The following CATSPERG variants were observed in gnomAD, a reference collection of about 807,000 sequenced individuals.
CATSPERG encodes the protein cation channel sperm-associated auxiliary subunit gamma.
In CATSPERG, 115 loss-of-function variants were observed where a neutral mutation model predicts 145.0. The observed-to-expected ratio is 0.79, with a 90% CI of 0.68 to 0.93. The LOEUF is 0.93. Ranked by LOEUF, CATSPERG falls within the 40% of genes least tolerant of loss-of-function variation. The pLI, the probability that CATSPERG is intolerant of heterozygous loss-of-function variation, is 0.00. For synonymous variants in CATSPERG, 588 were observed against 589.0 expected (o/e 1.00, Z 0.02); for missense variants, 1,296 against 1,490.1 (o/e 0.87, Z 2.14).
At position 38,362,727 on chromosome 19, in the gene CATSPERG, G is replaced by C. The variant is rs1335408990; in HGVS notation, c.2370G>C (p.Gln790His). The C allele has an allele frequency of 6.2e-7, 1 of 1,614,048 alleles. No homozygotes were observed. The highest frequency in any genetic ancestry group is 2.2e-5 in the East Asian group (1 of 44,886). The change falls in exon 20 of 29, where the codon CAG becomes CAC. Residue 790 changes from glutamine to histidine, a missense_variant. Gln to His is a conservative substitution (Grantham distance 24). Transcript: ENST00000409235. The part of the protein sequence containing the change: ...RTQSELGTAF[Q>H]LHSQVDVGVV... ...TGCCCGGAGCAGGCACCGCCTTCCA[G>C]CTGCATAGCCAGGTGGACGTGGGCG... is the stretch of plus-strand genomic sequence containing the variant.
Position 38,365,130 on chromosome 19 carries a change from G to C in CATSPERG, c.2613+13G>C. 1 of 1,612,734 alleles carries C rather than the reference G, an allele frequency of 6.2e-7. No homozygotes were observed. The highest frequency in any genetic ancestry group is 8.5e-7 in the Non-Finnish European group (1 of 1,179,610). ...GCCCCATATGCAAGTATTGGAGCTT[G>C]GGATACTGGGCCCTGGGAGGGGAAG... On this transcript the variant is annotated intron_variant, in intron 22 of 28. Coordinates refer to ENST00000409235, the MANE Select transcript of CATSPERG (RefSeq NM_021185.5).
rs1419033029 is a variant in CATSPERG, at chr19:38,344,888, T to C, written c.669+520T>C. The stretch of plus-strand genomic sequence containing the variant: ...ACACACACACACACACACACATATA[T>C]ATATATATATATATTTTTTTTTTTT... On this transcript the variant is annotated intron_variant, in intron 6 of 28. Transcript: ENST00000409235. 2.6e-3 allele frequency among the ~76,000 whole-genome samples: 200 copies of C among 76,286 alleles called. 2 individuals are homozygous for C. The highest frequency in any genetic ancestry group is 6.8e-3 in the Middle Eastern group (1 of 148). 50.0% of individuals were successfully genotyped at this position (76,286 alleles called of 152,430 possible).
chr19:38,354,771 T>C lies in CATSPERG; in HGVS notation c.1059T>C (p.His353=), dbSNP rs767420162. ...AGAAGCTGTGCCCTGTGTATTTCCA[T>C]AGCAATGGCTCTGAGTACATAATGG... is the stretch of plus-strand genomic sequence containing the variant. ...CIKKLCPVYF[H]SNGSEYIMAL... The change falls in exon 9 of 29, where the codon CAT becomes CAC. Residue 353 remains histidine (H), a synonymous_variant. Coordinates refer to ENST00000409235, the MANE Select transcript of CATSPERG (RefSeq NM_021185.5). 1.9e-6 allele frequency: 3 copies of C among 1,614,170 alleles called. No homozygotes were observed. The African/African-American group carries it at 4.0e-5, about 22-fold the overall frequency.
intron 17 of CATSPERG, 86 bp downstream of exon 17, chr19:38,361,947 A>C: frequency 1.4e-6 from 1 of 693,406 alleles, no homozygotes; most frequent in Non-Finnish European, 2.1e-6. Flanking sequence ...TGTGGAGCGG[A>C]GCGCAGCGGG....
At chr19:38,340,571 C>T (rs895437280) in intron 3 of CATSPERG, among the ~76,000 whole-genome samples, 14 of 151,572 alleles carry the variant, frequency 9.2e-5, no homozygotes, top group Admixed American at 7.2e-4. Context: ...CCACCTGCCT[C>T]GGCCTCCCAA....
At chr19:38,359,715 C>A in intron 14 of CATSPERG, 134 bp downstream of exon 14, 1 of 1,409,820 alleles carries the variant, frequency 7.1e-7, no homozygotes, top group Non-Finnish European at 9.3e-7. Context: ...GGCAGTGAAG[C>A]TCCATTTATA....
intron 1 of CATSPERG, chr19:38,336,767 A>C (rs1969844796): frequency 3.6e-6 from 1 of 274,978 alleles, no homozygotes; most frequent in African/African-American, 2.2e-5. Context: ...CCAGGTGAAG[A>C]GCAAGAGTGG....
chr19:38,337,310 C>T lies in CATSPERG; in HGVS notation c.76C>T (p.Leu26=), dbSNP rs1568369622. 1 of 1,551,290 alleles carries T rather than the reference C, an allele frequency of 6.4e-7. No homozygotes were observed. The highest frequency in any genetic ancestry group is 8.7e-7 in the Non-Finnish European group (1 of 1,146,892). The change falls in exon 2 of 29, where the codon CTG becomes TTG. Residue 26 remains leucine, a synonymous_variant. Transcript: ENST00000409235. ...AGTCGTGCAGGTGCTGTGGGCCCTG[C>T]TGGCAGTGCTCCTGGCGTCGTGGAG... The part of the protein sequence containing the change: ...VRVVQVLWAL[L]AVLLASWRLW...
At position 38,356,791 on chromosome 19, in the gene CATSPERG, T is replaced by C. The variant is rs2286475; in HGVS notation, c.1245T>C (p.Thr415=). ...IWSEYIAGEY[T]LLLLVESGYG... ...CTGAATACATCGCGGGTGAGTATACTCTACTGCTGCTGGTGGAGAGTGGAT... is the reference window on the plus strand; with the variant it reads ...CTGAATACATCGCGGGTGAGTATACCCTACTGCTGCTGGTGGAGAGTGGAT... Residue 415 remains threonine, a synonymous_variant, in exon 11 of 29, where the codon ACT becomes ACC. Transcript: ENST00000409235. 0.25 allele frequency: 410,729 copies of C among 1,613,762 alleles called. 55,741 individuals carry two copies. Among genetic ancestry groups the C allele is most frequent in the East Asian group, 0.44 (19,892 of 44,850 alleles).
chr19:38,364,989 A>C lies in CATSPERG; in HGVS notation c.2556+18A>C. ...CGGTCAATGTGAGGTCCAAGCCTGG[A>C]GGGGAGGGTGCAGGATGGTGGGAAA... On this transcript the variant is annotated intron_variant, in intron 21 of 28. Transcript: ENST00000409235. The C allele has an allele frequency of 6.2e-7, 1 of 1,613,628 alleles. No homozygotes were observed. The highest frequency in any genetic ancestry group is 8.5e-7 in the Non-Finnish European group (1 of 1,179,536).
intron 16 of CATSPERG, 43 bp from the exon 17 acceptor site, chr19:38,361,605 G>A: frequency 6.6e-7 from 1 of 1,508,292 alleles, no homozygotes; most frequent in Non-Finnish European, 9.0e-7. Flanking sequence ...CAGTGCGCGG[G>A]GTGCCTTAGA....
At chr19:38,337,557 T>C in intron 2 of CATSPERG, 36 bp from the exon 3 acceptor site, 1 of 1,551,844 alleles carries the variant, frequency 6.4e-7, no homozygotes, top group Non-Finnish European at 8.7e-7. Flanking sequence ...CGCACTCCAC[T>C]CATTTCTGGA....
At chr19:38,367,945 T>G (rs147391975) in intron 25 of CATSPERG, 103 bp from the exon 26 acceptor site, 2 of 1,195,422 alleles carry the variant, frequency 1.7e-6, no homozygotes, top group Non-Finnish European at 2.5e-6. Flanking sequence ...TAACACCATG[T>G]CCCCTGCACC....
intron 22 of CATSPERG, 152 bp from the exon 23 acceptor site, chr19:38,367,004 T>C (rs1231620816): frequency 4.5e-6 from 3 of 673,510 alleles, no homozygotes; most frequent in Non-Finnish European, 7.4e-6. Context: ...GTGTTAATGA[T>C]ATTAATGACC....
chr19:38,352,595 C>CTTTTTT (rs576701757), intron 8 of CATSPERG, 163 bp downstream of exon 8: 32 of 314,576 alleles, frequency 1.0e-4, no homozygotes, highest in Non-Finnish European at 1.5e-4. Flanking sequence ...TTGCCTTGCC[C>CTTTTTT]TTTTTTTTTT....
chr19:38,338,947 C>G (rs977524717), intron 3 of CATSPERG, among the ~76,000 whole-genome samples: 2 of 151,758 alleles, frequency 1.3e-5, no homozygotes, highest in African/African-American at 4.8e-5. Flanking sequence ...AACACCAGGT[C>G]GGGGGGAGGG....
intron 1 of CATSPERG, chr19:38,336,542 C>T: frequency 3.3e-6 from 1 of 299,548 alleles, no homozygotes; most frequent in Non-Finnish European, 6.6e-6. Context: ...GGAGCAAGAG[C>T]AGGGGCGGGG....
At chr19:38,359,726 A>C in intron 14 of CATSPERG, 145 bp downstream of exon 14, 1 of 1,391,314 alleles carries the variant, frequency 7.2e-7, no homozygotes, top group Non-Finnish European at 9.4e-7. Flanking sequence ...TCCATTTATA[A>C]CTGAAACTCC....
rs34101460 is a variant in CATSPERG at position 38,344,856 on chromosome 19, GAC to G, written c.669+514_669+515del. ...ATATGTATATACCTGTACATGAACA[GAC>G]ACACACACACACACACACACACACA... On this transcript the variant is annotated intron_variant, in intron 6 of 28. Transcript: ENST00000409235. 4.8e-3 allele frequency among the ~76,000 whole-genome samples: 447 copies of G among 92,348 alleles called. 21 individuals carry two copies. Among genetic ancestry groups the G allele is most frequent in the Non-Finnish European group, 8.0e-3 (381 of 47,914 alleles). The allele number at this position is 92,348 out of a possible 152,430, so 60.6% of individuals were successfully genotyped here. A position where few individuals can be genotyped will look rare whatever the true frequency, so the allele number is the denominator to read the frequency against.
Sources: gnomAD v4.1 joint callset for allele counts (sites outside exome capture counted in the v4.1 genomes callset) on GRCh38, gnomAD v4.1.1 for gene constraint, MANE v1.5 for transcripts, NCBI Gene and HGNC (gene_info 2026-07-23, HGNC 2026-07-21) for gene names.